The following CEP57 variants were observed in gnomAD, a reference collection of about 807,000 sequenced individuals.
CEP57 encodes centrosomal protein 57.
In CEP57, 40 loss-of-function variants were observed where a neutral mutation model predicts 68.0. The observed-to-expected ratio is 0.59, with a 90% confidence interval of 0.46 to 0.77. CEP57 has a LOEUF of 0.77. Ranked by LOEUF, CEP57 falls within the 30% of genes least tolerant of loss-of-function variation. CEP57 has a pLI of 0.00. For missense variants in CEP57, 606 were observed against 580.7 expected (o/e 1.04, Z -0.45); for synonymous variants, 219 against 198.7 (o/e 1.10, Z -0.86).
chr11:95,801,711 GA>G (rs1317333680), intron 2 of CEP57, among the ~76,000 whole-genome samples: 3 of 152,070 alleles, frequency 2.0e-5, no homozygotes, highest in African/African-American at 7.2e-5. Context: ...TAAGAAGGCA[GA>G]TTTATTCACC....
At chr11:95,816,097 G>A (rs1862284864) in intron 4 of CEP57, among the ~76,000 whole-genome samples, 1 of 152,174 alleles carries the variant, frequency 6.6e-6, no homozygotes, top group South Asian at 2.1e-4. Context: ...ATGAAAGAAA[G>A]AGGTTTAATT....
chr11:95,822,748 G>A (rs1055236708), intron 8 of CEP57, 172 bp downstream of exon 8: 20 of 642,834 alleles, frequency 3.1e-5, no homozygotes, highest in South Asian at 3.1e-4. Flanking sequence ...GATTAGGGAA[G>A]CAAGGAAGAG....
At chr11:95,823,692 G>A (rs907960807) in intron 8 of CEP57, among the ~76,000 whole-genome samples, 15 of 152,068 alleles carry the variant, frequency 9.9e-5, no homozygotes, top group African/African-American at 2.4e-4. Context: ...CATACTGTAC[G>A]ACTGATAATT....
At position 95,821,898 on chromosome 11, in the gene CEP57, C is replaced by G. The variant is rs756302353; in HGVS notation, c.727C>G (p.Leu243Val). Reference protein sequence around the residue: ...ELQTGLETNRLIFEDKATPCV... With the variant: ...ELQTGLETNRVIFEDKATPCV... The stretch of plus-strand genomic sequence containing the variant: ...GCAGACTGGTCTAGAAACAAATAGA[C>G]TTATCTTTGAAGATAAGGCAACTCC... The change falls in exon 7 of 11, where the codon CTT (leucine) becomes GTT (valine). Residue 243 changes from leucine to valine, a missense_variant. Transcript: ENST00000325542. 15 of 1,611,806 alleles carry G rather than the reference C, an allele frequency of 9.3e-6. No individual in the cohort carries two copies. The African/African-American group carries it at 2.0e-4, about 22-fold the overall frequency.
At chr11:95,819,823 A>G (rs1478883890) in intron 6 of CEP57, among the ~76,000 whole-genome samples, 13 of 152,212 alleles carry the variant, frequency 8.5e-5, no homozygotes, top group African/African-American at 3.1e-4. Context: ...CTTCTAGTGC[A>G]TCTCTAAATT....
At chr11:95,812,687 A>C (rs1862120200) in intron 2 of CEP57, among the ~76,000 whole-genome samples, 1 of 151,958 alleles carries the variant, frequency 6.6e-6, no homozygotes, top group Admixed American at 6.6e-5. Context: ...TGATCCACCC[A>C]CCTCAGCCTC....
At chr11:95,823,630 CAG>C (rs67301041) in intron 8 of CEP57, among the ~76,000 whole-genome samples, 42,251 of 151,776 alleles carry the variant, frequency 0.28, 7,028 homozygotes, top group Non-Finnish European at 0.38. Context: ...GAAATGTAAA[CAG>C]AGATAAAGAT....
In CEP57 at chr11:95,790,640, A is replaced by G. The variant is rs984634875; in HGVS notation, c.-59A>G. On this transcript the variant is annotated 5_prime_UTR_variant, in exon 1 of 11. Transcript: ENST00000325542. ...GGTGGGCGGCTCCCGAGTCTTGGAG[A>G]AGAGCACGAGAACCTAGACCGCCCC... 14 of 1,594,414 alleles carry G rather than the reference A, an allele frequency of 8.8e-6. No individual in the cohort carries two copies. Among genetic ancestry groups the G allele is most frequent in the Admixed American group, 1.7e-5 (1 of 57,618 alleles).
chr11:95,817,311 G>C (rs941969422), intron 4 of CEP57, among the ~76,000 whole-genome samples: 5 of 151,996 alleles, frequency 3.3e-5, no homozygotes, highest in African/African-American at 7.3e-5. Flanking sequence ...AGCTTGCGGT[G>C]AGCCGAGATC....
intron 1 of CEP57, among the ~76,000 whole-genome samples, chr11:95,794,944 G>A (rs1305951082): frequency 6.6e-6 from 1 of 152,070 alleles, no homozygotes; most frequent in African/African-American, 2.4e-5. Flanking sequence ...TATCCCCAAT[G>A]GTTTGCAATA....
intron 1 of CEP57, among the ~76,000 whole-genome samples, 169 bp downstream of exon 1, chr11:95,790,912 G>C (rs1028545601): frequency 3.3e-5 from 5 of 152,198 alleles, no homozygotes; most frequent in African/African-American, 1.2e-4. Context: ...TGGCTGTGTC[G>C]AAGCTGCACC....
upstream of CEP57, chr11:95,790,048 G>A (rs117840238): frequency 2.7e-3 from 415 of 156,208 alleles, no homozygotes; most frequent in Admixed American, 4.2e-3. Context: ...AAATGTTCGC[G>A]AAAGGCTCGT....
At position 95,813,607 on chromosome 11, in the gene CEP57, C is replaced by G. The variant is rs1294798921; in HGVS notation, c.504+18C>G. On this transcript the variant is annotated intron_variant, in intron 4 of 10. Transcript: ENST00000325542. ...AGAAACAAGTAAGTAAAGCACCTCACAGATTGATACTCAAGAACAGTTATG... is the reference window on the plus strand; with the variant it reads ...AGAAACAAGTAAGTAAAGCACCTCAGAGATTGATACTCAAGAACAGTTATG... The G allele has an allele frequency of 6.2e-7, 1 of 1,611,718 alleles. No individual in the cohort carries two copies. Among genetic ancestry groups the G allele is most frequent in the South Asian group, 1.1e-5 (1 of 91,050 alleles).
intron 1 of CEP57, among the ~76,000 whole-genome samples, chr11:95,797,100 C>T (rs1861380070): frequency 6.6e-6 from 1 of 151,900 alleles, no homozygotes; most frequent in Non-Finnish European, 1.5e-5. Context: ...TCAATCTGTC[C>T]CTTACCTCCC....
chr11:95,813,458 T>C lies in CEP57; in HGVS notation c.383-10T>C, dbSNP rs1396381101. ...AGTTGATTTCTGCTTTTCTTATGTA[T>C]TCTTTTTAGAACTGACATCTCAGTT... On this transcript the variant is annotated splice_polypyrimidine_tract_variant and intron_variant, in intron 3 of 10. Transcript: ENST00000325542. 6.2e-7 allele frequency: 1 copy of C among 1,610,440 alleles called. No homozygotes were observed. Among genetic ancestry groups the C allele is most frequent in the East Asian group, 2.2e-5 (1 of 44,810 alleles).
intron 2 of CEP57, among the ~76,000 whole-genome samples, chr11:95,803,326 A>G (rs1011494624): frequency 6.6e-6 from 1 of 152,222 alleles, no homozygotes; most frequent in Non-Finnish European, 1.5e-5. Context: ...TAAAAAGTCA[A>G]GTATAATAGA....
intron 1 of CEP57, among the ~76,000 whole-genome samples, chr11:95,791,788 C>G (rs1264862324): frequency 6.6e-6 from 1 of 152,082 alleles, no homozygotes; most frequent in Non-Finnish European, 1.5e-5. Context: ...GAGAAAAAGG[C>G]AGTGCGGGAA....
At chr11:95,828,301 T>C (rs184287769) in intron 9 of CEP57, among the ~76,000 whole-genome samples, 1 of 152,376 alleles carries the variant, frequency 6.6e-6, no homozygotes, top group Admixed American at 6.5e-5. Flanking sequence ...CATCACTGAA[T>C]GACAAAGATG....
chr11:95,810,621 C>T (rs1862015630), intron 2 of CEP57, among the ~76,000 whole-genome samples: 1 of 152,140 alleles, frequency 6.6e-6, no homozygotes, highest in Non-Finnish European at 1.5e-5. Context: ...AATAAAATCC[C>T]TAGGAATCCA....
Sources: allele counts gnomAD v4.1 joint callset (sites outside exome capture counted in the v4.1 genomes callset), GRCh38; gene constraint gnomAD v4.1.1; transcripts MANE v1.5; gene names NCBI Gene and HGNC (gene_info 2026-07-23, HGNC 2026-07-21).